ELOVL6: variants seen among roughly 807,000 people sequenced by gnomAD.
ELOVL6 encodes ELOVL fatty acid elongase 6, also known as very long chain fatty acid elongase 6.
In ELOVL6, 8 loss-of-function variants were observed where a neutral mutation model predicts 31.7. The observed-to-expected ratio is 0.25, with a 90% CI of 0.15 to 0.45. The LOEUF is 0.45. Among genes scored for constraint, ELOVL6 ranks in the 20% least tolerant of loss-of-function variants. ELOVL6 has a pLI of 1.00. For synonymous variants in ELOVL6, 101 were observed against 117.7 expected (o/e 0.86, Z 0.92); for missense variants, 126 against 326.4 (o/e 0.39, Z 4.73).
intron 2 of ELOVL6, among the ~76,000 whole-genome samples, chr4:110,090,646 C>T (rs113293414): frequency 2.2e-4 from 29 of 130,058 alleles, no homozygotes; most frequent in African/African-American, 8.5e-4. Flanking sequence ...CGCTCTGTCG[C>T]CAGGCTGGAG....
chr4:110,177,773 A>G (rs557282692), intron 1 of ELOVL6, among the ~76,000 whole-genome samples: 1 of 152,316 alleles, frequency 6.6e-6, no homozygotes, highest in African/African-American at 2.4e-5. Context: ...GAAATAATTA[A>G]AAGTCTTCAT....
Position 110,198,522 on chromosome 4 carries a change from C to T in ELOVL6, c.-187G>A. On this transcript the variant is annotated 5_prime_UTR_variant, in exon 1 of 4. Transcript: ENST00000302274. ...AGCTACATCCAGGGCTGAGCATTGC[C>T]TGCGCCTCCGCTCCCAGCTCCTCTC... 1 of 548,412 alleles carries T rather than the reference C, an allele frequency of 1.8e-6. No individual in the cohort carries two copies. Among genetic ancestry groups the T allele is most frequent in the Non-Finnish European group, 3.2e-6 (1 of 311,116 alleles). The allele number at this position is 548,412 out of a possible 1,614,324, so 34.0% of individuals were successfully genotyped here. A position where few individuals can be genotyped will look rare whatever the true frequency, so the allele number is the denominator to read the frequency against.
At chr4:110,123,152 A>G (rs555412303) in intron 1 of ELOVL6, among the ~76,000 whole-genome samples, 2 of 152,178 alleles carry the variant, frequency 1.3e-5, no homozygotes, top group South Asian at 4.1e-4. Flanking sequence ...TGTGTTTTGG[A>G]CATACTTTTA....
At chr4:110,137,228 C>G (rs1190683055) in intron 1 of ELOVL6, among the ~76,000 whole-genome samples, 1 of 152,198 alleles carries the variant, frequency 6.6e-6, no homozygotes, top group African/African-American at 2.4e-5. Context: ...CCGTGATTCT[C>G]TGACTCTGAG....
intron 3 of ELOVL6, among the ~76,000 whole-genome samples, chr4:110,059,094 A>C (rs1207388313): frequency 1.3e-5 from 2 of 152,182 alleles, no homozygotes; most frequent in African/African-American, 4.8e-5. Flanking sequence ...CCCCTTCCCT[A>C]AGGCCAGTCT....
chr4:110,130,602 C>T (rs757177110), intron 1 of ELOVL6, among the ~76,000 whole-genome samples: 4 of 152,198 alleles, frequency 2.6e-5, no homozygotes, highest in African/African-American at 4.8e-5. Flanking sequence ...ATAAGGACAA[C>T]GTTCTGTGAA....
intron 2 of ELOVL6, among the ~76,000 whole-genome samples, chr4:110,083,598 T>C (rs72676992): frequency 0.069 from 10,523 of 151,676 alleles, 580 homozygotes; most frequent in East Asian, 0.18. Flanking sequence ...CAAGCATTGG[T>C]AGGTTTTAAG....
intron 1 of ELOVL6, 105 bp downstream of exon 1, chr4:110,198,142 G>T (rs1759875141): frequency 5.3e-6 from 4 of 750,148 alleles, no homozygotes; most frequent in Non-Finnish European, 9.5e-6. Flanking sequence ...GGCTGCCCGC[G>T]ATTCATCGCT....
chr4:110,094,263 A>G (rs1338898201), intron 2 of ELOVL6, among the ~76,000 whole-genome samples: 1 of 149,058 alleles, frequency 6.7e-6, no homozygotes, highest in Admixed American at 6.7e-5. Context: ...AAAAAAAAAA[A>G]TCTGGATGGG....
intron 1 of ELOVL6, among the ~76,000 whole-genome samples, chr4:110,153,702 T>C (rs1391325004): frequency 6.6e-6 from 1 of 152,220 alleles, no homozygotes; most frequent in Non-Finnish European, 1.5e-5. Context: ...CCAACATATA[T>C]AGAGAAATGA....
At chr4:110,154,745 C>T (rs879528056) in intron 1 of ELOVL6, among the ~76,000 whole-genome samples, 3 of 152,206 alleles carry the variant, frequency 2.0e-5, no homozygotes, top group Non-Finnish European at 2.9e-5. Flanking sequence ...GAGAAGATGG[C>T]TTGGTGCTAC....
rs1560815089 is a variant in ELOVL6, at chr4:110,084,375, TG to T, written c.221+21121del. On this transcript the variant is annotated intron_variant, in intron 2 of 3. Coordinates refer to ENST00000302274, the MANE Select transcript of ELOVL6 (RefSeq NM_024090.3). ...TGATATATACCGCATATATGATATA[TG>T]ATATATATCGCATATATGATATATG... is the stretch of plus-strand genomic sequence containing the variant. Among the ~76,000 whole-genome samples the T allele has an allele frequency of 7.4e-5, 9 of 121,746 alleles. 1 individual carries two copies. In the South Asian group the frequency reaches 1.2e-3, roughly 17 times the overall value. The allele number at this position is 121,746 out of a possible 152,430, so 79.9% of individuals were successfully genotyped here. A position where few individuals can be genotyped will look rare whatever the true frequency, so the allele number is the denominator to read the frequency against.
At chr4:110,099,913 A>G (rs1301095398) in intron 2 of ELOVL6, among the ~76,000 whole-genome samples, 1 of 152,234 alleles carries the variant, frequency 6.6e-6, no homozygotes, top group Non-Finnish European at 1.5e-5. Context: ...TTGCCATATC[A>G]AAGTTGGATA....
intron 1 of ELOVL6, among the ~76,000 whole-genome samples, chr4:110,124,677 A>T (rs909749873): frequency 6.6e-6 from 1 of 152,086 alleles, no homozygotes; most frequent in Non-Finnish European, 1.5e-5. Flanking sequence ...TATGTAACAA[A>T]CCTGTACATT....
At chr4:110,122,869 T>A (rs891484953) in intron 1 of ELOVL6, among the ~76,000 whole-genome samples, 2 of 152,236 alleles carry the variant, frequency 1.3e-5, no homozygotes, top group African/African-American at 4.8e-5. Context: ...TGCAACCTTG[T>A]CATTTTTTAT....
intron 1 of ELOVL6, among the ~76,000 whole-genome samples, chr4:110,140,148 T>C (rs1398560798): frequency 6.6e-6 from 1 of 152,236 alleles, no homozygotes; most frequent in Non-Finnish European, 1.5e-5. Flanking sequence ...CTTTTCTATA[T>C]AAGCCCCCAA....
At chr4:110,093,612 C>T (rs1158764686) in intron 2 of ELOVL6, among the ~76,000 whole-genome samples, 1 of 152,054 alleles carries the variant, frequency 6.6e-6, no homozygotes. Flanking sequence ...TTCCTATTTC[C>T]ACCTTTGAAA....
chr4:110,173,937 CAT>C (rs1361610800), intron 1 of ELOVL6, among the ~76,000 whole-genome samples: 2 of 151,218 alleles, frequency 1.3e-5, no homozygotes, highest in African/African-American at 2.4e-5. Context: ...CCCCATGACA[CAT>C]GTTTACCTAT....
At chr4:110,184,012 T>TA (rs1208752830) in intron 1 of ELOVL6, among the ~76,000 whole-genome samples, 4 of 151,948 alleles carry the variant, frequency 2.6e-5, no homozygotes, top group African/African-American at 7.3e-5. Flanking sequence ...AAATATAAAA[T>TA]AAAAAAATCA....
Sources: gnomAD v4.1 joint callset for allele counts (sites outside exome capture counted in the v4.1 genomes callset) on GRCh38, gnomAD v4.1.1 for gene constraint, MANE v1.5 for transcripts, NCBI Gene and HGNC (gene_info 2026-07-23, HGNC 2026-07-21) for gene names.